ARL15: variants seen among roughly 807,000 people sequenced by gnomAD.
The protein encoded by ARL15 is ARF like GTPase 15.
ARL15 carries 19 observed loss-of-function variants against 25.2 expected under a neutral mutation model. The ratio of observed to expected loss-of-function variants is 0.75; its 90% CI spans 0.53 to 1.10. ARL15 has a LOEUF of 1.10. Among genes scored for constraint, ARL15 ranks in the 50% least tolerant of loss-of-function variants. The probability of loss-of-function intolerance (pLI) is 0.00; values close to 1 mark genes in which losing one functional copy is unlikely to be tolerated. For synonymous variants in ARL15, 94 were observed against 86.8 expected, an observed-to-expected ratio of 1.08 and a Z score of -0.46; for missense variants, 220 against 246.0, an observed-to-expected ratio of 0.89 and a Z score of 0.71.
chr5:53,885,532 A>T lies in ARL15; in HGVS notation c.*1029T>A, dbSNP rs1453519178. On this transcript the variant is annotated 3_prime_UTR_variant, in exon 5 of 5. Coordinates refer to ENST00000504924, the MANE Select transcript of ARL15 (RefSeq NM_019087.3). Reference sequence around the variant, plus strand: ...ATAATAGAAATACTGATAAACCTTTAACTACTAGAGGAAGGCATTAACAGA... The same window carrying T: ...ATAATAGAAATACTGATAAACCTTTTACTACTAGAGGAAGGCATTAACAGA... 6.6e-6 allele frequency: 1 copy of T among 152,634 alleles called. No homozygotes were observed. The highest frequency in any genetic ancestry group is 1.5e-5 in the Non-Finnish European group (1 of 68,034). 9.5% of individuals were successfully genotyped at this position (152,634 alleles called of 1,614,324 possible). A position where few individuals can be genotyped will look rare whatever the true frequency, so the allele number is the denominator to read the frequency against.
intron 4 of ARL15, among the ~76,000 whole-genome samples, chr5:54,101,217 A>G (rs927410650): frequency 2.6e-5 from 4 of 152,266 alleles, no homozygotes; most frequent in African/African-American, 9.6e-5. Flanking sequence ...TTCCTTTAAC[A>G]TCTTAAAAAT....
chr5:53,999,368 C>T (rs1023197391), intron 4 of ARL15, among the ~76,000 whole-genome samples: 1 of 151,928 alleles, frequency 6.6e-6, no homozygotes, highest in Non-Finnish European at 1.5e-5. Context: ...GCAGGTGGAT[C>T]ACCTGAGGTC....
At chr5:54,289,156 A>C (rs189763638) in intron 1 of ARL15, among the ~76,000 whole-genome samples, 11 of 152,340 alleles carry the variant, frequency 7.2e-5, no homozygotes, top group Admixed American at 7.2e-4. Context: ...CCCAAGCTGA[A>C]GCACCAATGA....
chr5:53,926,686 A>G (rs943306886), intron 4 of ARL15, among the ~76,000 whole-genome samples: 11 of 152,106 alleles, frequency 7.2e-5, no homozygotes, highest in African/African-American at 2.7e-4. Context: ...CTGATATCCA[A>G]TCTTACAGAA....
chr5:53,902,111 A>G (rs2111942469), intron 4 of ARL15, among the ~76,000 whole-genome samples: 1 of 152,316 alleles, frequency 6.6e-6, no homozygotes, highest in Non-Finnish European at 1.5e-5. Flanking sequence ...TCCTGATTCT[A>G]TTTCACATTC....
intron 4 of ARL15, among the ~76,000 whole-genome samples, chr5:53,986,474 A>T (rs1177978061): frequency 2.0e-5 from 3 of 152,190 alleles, no homozygotes; most frequent in Non-Finnish European, 4.4e-5. Flanking sequence ...CTGTGTTAAA[A>T]TGTAGACTGC....
Position 53,885,572 on chromosome 5 carries a change from A to G in ARL15, c.*989T>C, listed in dbSNP as rs927083164. ...GCATTAACAGATTCCAATAAACTAC[A>G]GTAACACGTAATGAATGAATATATA... is the stretch of plus-strand genomic sequence containing the variant. On this transcript the variant is annotated 3_prime_UTR_variant, in exon 5 of 5. Coordinates refer to ENST00000504924, the MANE Select transcript of ARL15 (RefSeq NM_019087.3). The G allele has an allele frequency of 3.3e-5, 5 of 152,758 alleles. No individual in the cohort carries two copies. Among genetic ancestry groups the G allele is most frequent in the African/African-American group, 1.2e-4 (5 of 41,574 alleles). 9.5% of individuals were successfully genotyped at this position (152,758 alleles called of 1,614,324 possible).
intron 1 of ARL15, among the ~76,000 whole-genome samples, chr5:54,244,465 C>T (rs1384050081): frequency 6.6e-6 from 1 of 152,060 alleles, no homozygotes; most frequent in African/African-American, 2.4e-5. Context: ...AATACCACTC[C>T]CTAAAACACG....
At chr5:53,893,519 A>C (rs898494365) in intron 4 of ARL15, among the ~76,000 whole-genome samples, 3 of 152,084 alleles carry the variant, frequency 2.0e-5, no homozygotes, top group Admixed American at 2.0e-4. Context: ...GAGGCAGGAG[A>C]ATGGCGTGAA....
Position 54,039,976 on chromosome 5 carries a change from T to C in ARL15, c.462+73226A>G, listed in dbSNP as rs535067969. 1.2e-4 allele frequency among the ~76,000 whole-genome samples: 18 copies of C among 152,218 alleles called. No homozygotes were observed. In the South Asian group the frequency reaches 2.5e-3, roughly 21 times the overall value. On this transcript the variant is annotated intron_variant, in intron 4 of 4. Coordinates refer to ENST00000504924, the MANE Select transcript of ARL15 (RefSeq NM_019087.3). ...TACGTAAAATTATAAAATTGTATGGTTGAAACTGTAATGCATTTATTCCAA... is the reference window on the plus strand; with the variant it reads ...TACGTAAAATTATAAAATTGTATGGCTGAAACTGTAATGCATTTATTCCAA...
intron 1 of ARL15, among the ~76,000 whole-genome samples, chr5:54,277,721 C>T (rs927384582): frequency 1.3e-5 from 2 of 151,816 alleles, no homozygotes; most frequent in East Asian, 1.9e-4. Flanking sequence ...CACTGCACTC[C>T]AGGCTGGGTG....
At chr5:54,021,055 G>A (rs1474181699) in intron 4 of ARL15, among the ~76,000 whole-genome samples, 1 of 152,158 alleles carries the variant, frequency 6.6e-6, no homozygotes, top group Non-Finnish European at 1.5e-5. Flanking sequence ...ATGGTTTAGG[G>A]CCAGGCACAG....
chr5:54,292,809 A>C (rs934958638), intron 1 of ARL15, among the ~76,000 whole-genome samples: 6 of 152,086 alleles, frequency 3.9e-5, no homozygotes, highest in Non-Finnish European at 7.4e-5. Flanking sequence ...CCTGTTTCTC[A>C]TATTAAAAAA....
rs374137556 is a variant in ARL15, at chr5:54,192,468, C to T, written c.49-20540G>A. Among the ~76,000 whole-genome samples, 32 of 152,004 alleles carry T rather than the reference C, an allele frequency of 2.1e-4. No individual in the cohort carries two copies. The South Asian group carries it at 6.5e-3, about 31-fold the overall frequency. ...ATTGTTTTATTGAATTATTTCCTAACCTTTTATCATTGGACAGAGGTTGAT... is the reference window on the plus strand; with the variant it reads ...ATTGTTTTATTGAATTATTTCCTAATCTTTTATCATTGGACAGAGGTTGAT... On this transcript the variant is annotated intron_variant, in intron 1 of 4. Transcript: ENST00000504924.
chr5:54,262,997 G>A (rs977915992), intron 1 of ARL15, among the ~76,000 whole-genome samples: 4 of 152,148 alleles, frequency 2.6e-5, no homozygotes, highest in Admixed American at 2.6e-4. Context: ...CATTTGGATG[G>A]GGTGGGAAAG....
intron 4 of ARL15, among the ~76,000 whole-genome samples, chr5:54,111,083 TTAAAGCAGTC>T (rs1165258242): frequency 1.3e-5 from 2 of 152,068 alleles, no homozygotes; most frequent in African/African-American, 2.4e-5. Context: ...ATGTATCCCA[TTAAAGCAGTC>T]TAAAGTGTAG....
At chr5:54,212,689 T>C (rs1266229025) in intron 1 of ARL15, among the ~76,000 whole-genome samples, 1 of 152,234 alleles carries the variant, frequency 6.6e-6, no homozygotes, top group African/African-American at 2.4e-5. Flanking sequence ...TCTATTGGCA[T>C]AATCTGCTCA....
At chr5:54,193,811 A>T (rs1488965013) in intron 1 of ARL15, among the ~76,000 whole-genome samples, 1 of 149,310 alleles carries the variant, frequency 6.7e-6, no homozygotes, top group Non-Finnish European at 1.5e-5. Context: ...ATATTTGTTG[A>T]TTTCCTGAAA....
At chr5:54,190,384 C>T (rs376672884) in intron 1 of ARL15, among the ~76,000 whole-genome samples, 23 of 148,080 alleles carry the variant, frequency 1.6e-4, no homozygotes, top group African/African-American at 4.2e-4. Context: ...TAGAATGAGA[C>T]GTTGTCTCAA....
Sources: allele counts gnomAD v4.1 joint callset (sites outside exome capture counted in the v4.1 genomes callset), GRCh38; gene constraint gnomAD v4.1.1; transcripts MANE v1.5; gene names NCBI Gene and HGNC (gene_info 2026-07-23, HGNC 2026-07-21).